The following SLC12A7 variants were observed in gnomAD, a reference collection of about 807,000 sequenced individuals.
SLC12A7 encodes the protein K-Cl cotransporter 4.
Under a neutral mutation model 120.6 loss-of-function variants are expected in SLC12A7, and 100 were observed. That is an observed-to-expected ratio of 0.83 (90% confidence interval 0.71 to 0.98). The LOEUF (loss-of-function observed/expected upper bound fraction) is 0.98, where lower values mean the gene tolerates loss of function less well. SLC12A7 is among the 50% of genes least tolerant of loss of function. The probability of loss-of-function intolerance (pLI) is 0.00; values close to 1 mark genes in which losing one functional copy is unlikely to be tolerated. For synonymous variants in SLC12A7, 760 were observed against 678.0 expected (o/e 1.12, Z -1.88); for missense variants, 1,373 against 1,548.1 (o/e 0.89, Z 1.90).
the SLC12A7 span, among the ~76,000 whole-genome samples, chr5:1,154,705 C>T: frequency 3.3e-5 from 5 of 152,190 alleles, no homozygotes; most frequent in East Asian, 1.9e-4. Context: ...CATGAACAGG[C>T]GAAACGGACA....
chr5:1,077,501 C>T (rs1372806464), intron 12 of SLC12A7, among the ~76,000 whole-genome samples: 2 of 152,206 alleles, frequency 1.3e-5, no homozygotes, highest in African/African-American at 4.8e-5. Flanking sequence ...CTCAGCCACA[C>T]AGAGAAAGAT....
At chr5:1,104,968 G>T (rs1017215416) in intron 1 of SLC12A7, among the ~76,000 whole-genome samples, 4 of 147,632 alleles carry the variant, frequency 2.7e-5, no homozygotes, top group African/African-American at 1.0e-4. Flanking sequence ...AGCCAAAAGG[G>T]ACCCTCCCCG....
chr5:1,106,625 G>C (rs1742552592), intron 1 of SLC12A7, among the ~76,000 whole-genome samples: 1 of 152,148 alleles, frequency 6.6e-6, no homozygotes, highest in African/African-American at 2.4e-5. Flanking sequence ...TCCCAGTGCT[G>C]TGCCCAGCGG....
rs889277539 is a variant in SLC12A7 at position 1,050,656 on chromosome 5, G to A, written c.*1704C>T. ...CGTTCAGAGCCAGCACCATGTGGCC[G>A]CTGTGCCTCTAGCCTGCTCTCCTCC... On this transcript the variant is annotated 3_prime_UTR_variant, in exon 24 of 24. Transcript: ENST00000264930. 15 of 388,334 alleles carry A rather than the reference G, an allele frequency of 3.9e-5. No individual in the cohort carries two copies. In the South Asian group the frequency reaches 5.8e-4, roughly 15 times the overall value. The allele number at this position is 388,334 out of a possible 1,614,324, so 24.1% of individuals were successfully genotyped here.
At chr5:1,148,418 G>A in the SLC12A7 span, among the ~76,000 whole-genome samples, 2 of 152,020 alleles carry the variant, frequency 1.3e-5, no homozygotes, top group African/African-American at 4.8e-5. Flanking sequence ...TGTTAGCCAG[G>A]ATGGTCTCTA....
chr5:1,141,566 C>G, the SLC12A7 span, among the ~76,000 whole-genome samples: 1 of 152,386 alleles, frequency 6.6e-6, no homozygotes, highest in East Asian at 1.9e-4. Flanking sequence ...GGACTGTCTT[C>G]CCCACTGTGT....
At chr5:1,073,831 C>T (rs371374944) in intron 16 of SLC12A7, 30 bp from the exon 17 acceptor site, 61 of 1,384,092 alleles carry the variant, frequency 4.4e-5, no homozygotes, top group Admixed American at 3.9e-4. Context: ...GCTGTTACCA[C>T]GGCAACGCTT....
chr5:1,052,675 G>A (rs1735176790), intron 23 of SLC12A7, among the ~76,000 whole-genome samples: 1 of 152,182 alleles, frequency 6.6e-6, no homozygotes, highest in Non-Finnish European at 1.5e-5. Flanking sequence ...GAGCACCGTG[G>A]CCACAGGGAG....
chr5:1,073,290 A>T lies in SLC12A7; in HGVS notation c.2241+343T>A, dbSNP rs904534679. Among the ~76,000 whole-genome samples, 4 of 149,648 alleles carry T rather than the reference A, an allele frequency of 2.7e-5. 1 individual carries two copies. The highest frequency in any genetic ancestry group is 1.0e-4 in the African/African-American group (4 of 39,854). Reference sequence around the variant, plus strand: ...AGTGAGCCCCCAGCACACGGGCATCACACTTATGCAGCCCCCAGTGAGCCT... The same window carrying T: ...AGTGAGCCCCCAGCACACGGGCATCTCACTTATGCAGCCCCCAGTGAGCCT... On this transcript the variant is annotated intron_variant, in intron 17 of 23. Transcript: ENST00000264930.
chr5:1,084,222 G>A (rs1739555042), intron 7 of SLC12A7, among the ~76,000 whole-genome samples: 1 of 152,194 alleles, frequency 6.6e-6, no homozygotes. Flanking sequence ...CAGGAACGCT[G>A]TACTGTACAG....
At chr5:1,128,155 G>A in the SLC12A7 span, among the ~76,000 whole-genome samples, 710 of 152,322 alleles carry the variant, frequency 4.7e-3, 3 homozygotes, top group African/African-American at 0.016. Context: ...GTGGCTGGGA[G>A]GTGGGTGCCT....
At chr5:1,068,738 G>A (rs902849016) in intron 17 of SLC12A7, among the ~76,000 whole-genome samples, 4 of 152,294 alleles carry the variant, frequency 2.6e-5, no homozygotes, top group African/African-American at 9.6e-5. Flanking sequence ...CGGACGGAGA[G>A]GATCTGCCTG....
At chr5:1,074,927 G>C (rs1266618053) in intron 15 of SLC12A7, among the ~76,000 whole-genome samples, 1 of 152,194 alleles carries the variant, frequency 6.6e-6, no homozygotes, top group Non-Finnish European at 1.5e-5. Flanking sequence ...CTTCCTCACA[G>C]GACGGGGGAC....
At chr5:1,100,099 C>G (rs932233200) in intron 1 of SLC12A7, among the ~76,000 whole-genome samples, 2 of 152,184 alleles carry the variant, frequency 1.3e-5, no homozygotes, top group African/African-American at 4.8e-5. Flanking sequence ...CCACACGCCT[C>G]GGAAGAGAAG....
intron 1 of SLC12A7, among the ~76,000 whole-genome samples, chr5:1,094,483 C>A (rs1740883091): frequency 1.3e-5 from 2 of 152,160 alleles, no homozygotes; most frequent in Admixed American, 1.3e-4. Flanking sequence ...CCCCAATGCG[C>A]AAGCTATCCC....
Position 1,069,972 on chromosome 5 carries a change from ACACGG to A in SLC12A7, c.2241+3656_2241+3660del, listed in dbSNP as rs1374887846. On this transcript the variant is annotated intron_variant, in intron 17 of 23. Coordinates refer to ENST00000264930, the MANE Select transcript of SLC12A7 (RefSeq NM_006598.3). ...TCTGAGTGGGCAGAAATTCAGCAGC[ACACGG>A]CATCACACTTAACGCAGCCCCCAGT... Among the ~76,000 whole-genome samples, 220 of 150,476 alleles carry A rather than the reference ACACGG, an allele frequency of 1.5e-3. 2 individuals are homozygous for A. Among genetic ancestry groups the A allele is most frequent in the Middle Eastern group, 6.9e-3 (2 of 290 alleles).
intron 11 of SLC12A7, chr5:1,078,417 G>A: frequency 1.8e-6 from 1 of 570,540 alleles, no homozygotes. Context: ...GATCTCCCAG[G>A]GCCAAGCCTC....
chr5:1,074,794 G>C (rs1245913492), intron 15 of SLC12A7, 123 bp from the exon 16 acceptor site: 1 of 882,806 alleles, frequency 1.1e-6, no homozygotes, highest in African/African-American at 1.7e-5. Context: ...AAAGTCCCTG[G>C]ATGAGGAGGG....
the SLC12A7 span, among the ~76,000 whole-genome samples, chr5:1,119,822 G>C: frequency 6.6e-6 from 1 of 152,268 alleles, no homozygotes; most frequent in African/African-American, 2.4e-5. Context: ...TGATGGGCAG[G>C]CTGGGGGGCG....
Sources: gnomAD v4.1 joint callset for allele counts (sites outside exome capture counted in the v4.1 genomes callset) on GRCh38, gnomAD v4.1.1 for gene constraint, MANE v1.5 for transcripts, NCBI Gene and HGNC (gene_info 2026-07-23, HGNC 2026-07-21) for gene names.